Variants in SYT1 observed in about 807,000 individuals in gnomAD.
SYT1 encodes synaptotagmin 1.
SYT1 carries 8 observed loss-of-function variants against 44.8 expected under a neutral mutation model. The observed-to-expected ratio is 0.18, with a 90% CI of 0.10 to 0.32. The LOEUF is 0.32. Ranked by LOEUF, SYT1 falls within the 10% of genes least tolerant of loss-of-function variation. The probability of loss-of-function intolerance (pLI) is 1.00; values close to 1 mark genes in which losing one functional copy is unlikely to be tolerated. For missense variants in SYT1, 286 were observed against 509.3 expected, an observed-to-expected ratio of 0.56 and a Z score of 4.22; for synonymous variants, 154 against 188.8, an observed-to-expected ratio of 0.82 and a Z score of 1.51.
intron 3 of SYT1, among the ~76,000 whole-genome samples, chr12:79,104,688 G>T (rs1002192751): frequency 6.6e-6 from 1 of 151,632 alleles, no homozygotes; most frequent in African/African-American, 2.4e-5. Context: ...TCTGGTAAAC[G>T]AATACTAGAT....
intron 2 of SYT1, among the ~76,000 whole-genome samples, chr12:79,026,978 A>G (rs1872578406): frequency 6.6e-6 from 1 of 151,522 alleles, no homozygotes. Context: ...TACAGCCGTT[A>G]TAGAAAACAG....
intron 9 of SYT1, among the ~76,000 whole-genome samples, chr12:79,408,477 T>C (rs1482615581): frequency 1.3e-5 from 2 of 152,156 alleles, no homozygotes; most frequent in African/African-American, 4.8e-5. Context: ...ACATTCTTAC[T>C]GAGACTTTGA....
intron 9 of SYT1, among the ~76,000 whole-genome samples, chr12:79,413,569 T>C (rs995377213): frequency 5.3e-5 from 8 of 152,202 alleles, no homozygotes; most frequent in Non-Finnish European, 8.8e-5. Flanking sequence ...GTTTGTAGCA[T>C]TTCCTGATAT....
At chr12:78,996,368 T>C (rs1396856679) in intron 2 of SYT1, among the ~76,000 whole-genome samples, 2 of 152,160 alleles carry the variant, frequency 1.3e-5, no homozygotes. Flanking sequence ...TTCAGGATTT[T>C]ATAGGGGAAT....
rs554630475 is a variant in SYT1, at chr12:79,276,678, A to C, written c.167-9109A>C. The stretch of plus-strand genomic sequence containing the variant: ...TGACAGAGCAAGACTCCATCAAAAA[A>C]AAAAAAACAAAAAAACCAGAACTTC... On this transcript the variant is annotated intron_variant, in intron 4 of 10. Transcript: ENST00000261205. Among the ~76,000 whole-genome samples, 14 of 151,682 alleles carry C rather than the reference A, an allele frequency of 9.2e-5. No individual in the cohort carries two copies. The East Asian group carries it at 2.1e-3, about 23-fold the overall frequency.
chr12:79,090,670 A>G (rs2137999713), intron 3 of SYT1, among the ~76,000 whole-genome samples: 1 of 152,144 alleles, frequency 6.6e-6, no homozygotes, highest in Non-Finnish European at 1.5e-5. Context: ...AATTTATTAC[A>G]TGCACGTGCA....
chr12:79,175,549 T>C (rs1270373501), intron 3 of SYT1, among the ~76,000 whole-genome samples: 1 of 152,100 alleles, frequency 6.6e-6, no homozygotes, highest in African/African-American at 2.4e-5. Flanking sequence ...TCAAAGTAAC[T>C]TCAGAGACAT....
chr12:79,281,017 G>T (rs1212462214), intron 4 of SYT1, among the ~76,000 whole-genome samples: 1 of 151,404 alleles, frequency 6.6e-6, no homozygotes, highest in Non-Finnish European at 1.5e-5. Flanking sequence ...TGGCATGGAT[G>T]CTGTGAAAAT....
intron 3 of SYT1, among the ~76,000 whole-genome samples, chr12:79,050,567 C>T (rs1170320135): frequency 3.3e-5 from 5 of 152,068 alleles, no homozygotes; most frequent in African/African-American, 4.8e-5. Flanking sequence ...CTCAGACATC[C>T]GTGTTAGAAA....
intron 9 of SYT1, among the ~76,000 whole-genome samples, chr12:79,362,306 A>T (rs1381189867): frequency 2.6e-5 from 4 of 152,192 alleles, no homozygotes; most frequent in Admixed American, 6.5e-5. Context: ...AAAATAATAC[A>T]CTAAAAGGAA....
intron 3 of SYT1, among the ~76,000 whole-genome samples, chr12:79,145,558 C>T (rs1269771591): frequency 6.6e-6 from 1 of 152,112 alleles, no homozygotes; most frequent in Non-Finnish European, 1.5e-5. Flanking sequence ...AATGATTTTA[C>T]ATATTAAAAT....
rs117871191 is a variant in SYT1, at chr12:79,140,983, G to T, written c.-17-76520G>T. Among the ~76,000 whole-genome samples, 143 of 152,290 alleles carry T rather than the reference G, an allele frequency of 9.4e-4. No individual in the cohort carries two copies. In the East Asian group the frequency reaches 0.023, roughly 24 times the overall value. ...AAGCCATACAGTGCCAAGAGAGTTA[G>T]CTTCCTAAGAGTTCCTCATGAAAAA... On this transcript the variant is annotated intron_variant, in intron 3 of 10. Coordinates refer to ENST00000261205, the MANE Select transcript of SYT1 (RefSeq NM_005639.3).
intron 3 of SYT1, among the ~76,000 whole-genome samples, chr12:79,077,727 T>G (rs939243510): frequency 2.0e-5 from 3 of 152,180 alleles, no homozygotes; most frequent in African/African-American, 7.2e-5. Flanking sequence ...TGTTGTTGCT[T>G]TTCCTACAAA....
chr12:79,032,632 T>A (rs1200409338), intron 2 of SYT1, among the ~76,000 whole-genome samples: 1 of 151,362 alleles, frequency 6.6e-6, no homozygotes, highest in African/African-American at 2.4e-5. Flanking sequence ...ACATTTTAGG[T>A]CATGTTACAA....
intron 4 of SYT1, among the ~76,000 whole-genome samples, chr12:79,260,765 T>C (rs1215158019): frequency 9.2e-5 from 14 of 151,962 alleles, no homozygotes; most frequent in Non-Finnish European, 1.6e-4. Flanking sequence ...ATTATTTTTC[T>C]AAGGAAAAAA....
chr12:79,011,883 G>A (rs1054955864), intron 2 of SYT1, among the ~76,000 whole-genome samples: 7 of 152,080 alleles, frequency 4.6e-5, no homozygotes, highest in Non-Finnish European at 7.4e-5. Flanking sequence ...TGTAATCCCA[G>A]CACTTTGCGG....
At chr12:79,074,167 A>C (rs776062905) in intron 3 of SYT1, among the ~76,000 whole-genome samples, 3 of 152,202 alleles carry the variant, frequency 2.0e-5, no homozygotes, top group Non-Finnish European at 4.4e-5. Context: ...AATCTTTAAA[A>C]TAACACCATA....
chr12:79,119,052 G>C (rs1386354642), intron 3 of SYT1, among the ~76,000 whole-genome samples: 1 of 152,088 alleles, frequency 6.6e-6, no homozygotes, highest in Non-Finnish European at 1.5e-5. Context: ...GGAAAGGGCT[G>C]GTCGTTTTCT....
intron 3 of SYT1, among the ~76,000 whole-genome samples, chr12:79,217,260 G>C (rs1449996002): frequency 6.6e-6 from 1 of 152,146 alleles, no homozygotes; most frequent in African/African-American, 2.4e-5. Context: ...AGTATACATA[G>C]TATTGCTGGA....
Sources: allele counts gnomAD v4.1 joint callset (sites outside exome capture counted in the v4.1 genomes callset), GRCh38; gene constraint gnomAD v4.1.1; transcripts MANE v1.5; gene names NCBI Gene and HGNC (gene_info 2026-07-23, HGNC 2026-07-21).